The following ANK2 variants were observed in gnomAD, a reference collection of about 807,000 sequenced individuals.
ANK2 encodes ankyrin 2, also known as ankyrin-2.
A neutral mutation model predicts 360.5 loss-of-function variants in ANK2; 83 were observed. The ratio of observed to expected loss-of-function variants is 0.23; its 90% CI spans 0.19 to 0.28. The LOEUF is 0.28. Ranked by LOEUF, ANK2 falls within the 10% of genes least tolerant of loss-of-function variation. ANK2 has a pLI of 1.00. For missense variants in ANK2, 4,201 were observed against 4,795.7 expected (o/e 0.88, Z 3.66); for synonymous variants, 1,740 against 1,759.5 (o/e 0.99, Z 0.28).
At chr4:113,189,058 T>G (rs1397208764) in intron 2 of ANK2, among the ~76,000 whole-genome samples, 1 of 152,114 alleles carries the variant, frequency 6.6e-6, no homozygotes. Context: ...CCATTTCTCA[T>G]GAAAAAGAAG....
In ANK2 at chr4:113,369,522, C is replaced by G. The variant is rs1049357231; in HGVS notation, c.11327C>G (p.Thr3776Ser). 1 of 1,613,838 alleles carries G rather than the reference C, an allele frequency of 6.2e-7. No homozygotes were observed. Among genetic ancestry groups the G allele is most frequent in the Non-Finnish European group, 8.5e-7 (1 of 1,180,002 alleles). ...LEYQQEYFVT[T>S]PGTETSETQK... ...TGGCTTTTTGATTCCAGTGTGACAA[C>G]TCCAGGAACAGAAACATCAGAGACT... is the stretch of plus-strand genomic sequence containing the variant. Residue 3776 changes from threonine (T) to serine (S), a missense_variant, in exon 43 of 46, where the codon ACT (threonine) becomes AGT (serine). Thr to Ser is a moderately conservative substitution (Grantham distance 58). This residue lies in a region of ANK2 where 2,642 missense variants were observed against 2,714.5 expected (regional missense o/e 0.97). Coordinates refer to ENST00000357077, the MANE Select transcript of ANK2 (RefSeq NM_001148.6).
chr4:112,768,875 C>T, the ANK2 span, among the ~76,000 whole-genome samples: 12 of 152,142 alleles, frequency 7.9e-5, no homozygotes, highest in Non-Finnish European at 1.6e-4. Flanking sequence ...ACATGACCTG[C>T]CTTTGTTCAA....
chr4:113,306,414 A>G (rs1015039685), intron 23 of ANK2, among the ~76,000 whole-genome samples: 6 of 152,212 alleles, frequency 3.9e-5, no homozygotes, highest in African/African-American at 1.4e-4. Context: ...TGATGCATAA[A>G]AACATACCAG....
At position 113,258,243 on chromosome 4, in the gene ANK2, T is replaced by C. The variant is rs1438962454; in HGVS notation, c.1288-70T>C. The C allele has an allele frequency of 2.5e-6, 4 of 1,582,606 alleles. No individual in the cohort carries two copies. In the African/African-American group the frequency reaches 5.4e-5, roughly 21 times the overall value. On this transcript the variant is annotated intron_variant, in intron 12 of 45. Transcript: ENST00000357077. ...TCTTCTGTCCTCTTCACTCAAGTTT[T>C]ATTTATCTGAAGAAGCCCCAAAGCC...
intron 7 of ANK2, among the ~76,000 whole-genome samples, chr4:113,238,436 T>C (rs2099400736): frequency 1.3e-5 from 2 of 152,314 alleles, no homozygotes; most frequent in Non-Finnish European, 2.9e-5. Context: ...CTTTTGAGCA[T>C]TCTCACAGGG....
intron 2 of ANK2, among the ~76,000 whole-genome samples, chr4:113,040,629 T>A (rs1275867829): frequency 6.6e-6 from 1 of 152,104 alleles, no homozygotes; most frequent in Non-Finnish European, 1.5e-5. Context: ...AGTTGTTTAG[T>A]GGACTCATTT....
intron 1 of ANK2, among the ~76,000 whole-genome samples, chr4:112,865,540 G>A (rs916545452): frequency 2.0e-5 from 3 of 152,078 alleles, no homozygotes; most frequent in Non-Finnish European, 4.4e-5. Context: ...GTTTTATCCA[G>A]AAAAATAGAT....
intron 1 of ANK2, chr4:112,904,429 A>C: frequency 1.6e-6 from 2 of 1,257,144 alleles, no homozygotes; most frequent in Non-Finnish European, 2.2e-6. Context: ...CAAACTTCTA[A>C]TATTTTCTCT....
the ANK2 span, among the ~76,000 whole-genome samples, chr4:112,793,392 T>C: frequency 6.6e-6 from 1 of 152,138 alleles, no homozygotes; most frequent in Non-Finnish European, 1.5e-5. Context: ...GAATAATATT[T>C]ATATTTTTCA....
intron 1 of ANK2, among the ~76,000 whole-genome samples, chr4:112,886,013 C>G (rs1313213200): frequency 3.3e-5 from 5 of 152,050 alleles, no homozygotes; most frequent in African/African-American, 1.2e-4. Context: ...CTCAGTCTCA[C>G]TGGGCTGGCT....
intron 1 of ANK2, among the ~76,000 whole-genome samples, chr4:112,853,076 T>A (rs1040011846): frequency 6.7e-6 from 1 of 149,500 alleles, no homozygotes; most frequent in African/African-American, 2.4e-5. Context: ...TCTGGCTAAT[T>A]TTTTTTTTTT....
chr4:113,338,542 A>ATTTT (rs2093844758), intron 31 of ANK2, among the ~76,000 whole-genome samples: 1 of 121,860 alleles, frequency 8.2e-6, no homozygotes, highest in African/African-American at 4.0e-5. Context: ...TAGATTGTTC[A>ATTTT]CTTTTTTTTT....
chr4:112,895,601 CAGAT>C (rs1031744583), intron 1 of ANK2, among the ~76,000 whole-genome samples: 4 of 152,022 alleles, frequency 2.6e-5, no homozygotes, highest in African/African-American at 9.7e-5. Context: ...CTATTATGCT[CAGAT>C]AGCCCCAGAG....
At chr4:112,889,237 A>G (rs970075183) in intron 1 of ANK2, among the ~76,000 whole-genome samples, 1 of 151,946 alleles carries the variant, frequency 6.6e-6, no homozygotes, top group African/African-American at 2.4e-5. Context: ...CTCATTCAAA[A>G]AAAAAAAAAC....
the ANK2 span, chr4:112,788,356 T>G: frequency 6.4e-7 from 1 of 1,552,704 alleles, no homozygotes; most frequent in Non-Finnish European, 8.8e-7. Context: ...GGACCACCAT[T>G]TTACGACATA....
chr4:113,329,381 A>G (rs1448720446), intron 26 of ANK2, among the ~76,000 whole-genome samples: 1 of 152,214 alleles, frequency 6.6e-6, no homozygotes, highest in Non-Finnish European at 1.5e-5. Flanking sequence ...CTCCTTTTTC[A>G]TGAACAATTA....
At chr4:112,806,530 C>T in the ANK2 span, among the ~76,000 whole-genome samples, 1 of 152,030 alleles carries the variant, frequency 6.6e-6, no homozygotes, top group Non-Finnish European at 1.5e-5. Flanking sequence ...GCAGATATCT[C>T]TACAATATAC....
chr4:113,303,468 C>G (rs542742527), intron 23 of ANK2, among the ~76,000 whole-genome samples: 1 of 152,126 alleles, frequency 6.6e-6, no homozygotes, highest in African/African-American at 2.4e-5. Flanking sequence ...TCCTGGGAAG[C>G]CTGCTTTCCA....
At chr4:112,746,306 TTACATATGA>T in the ANK2 span, among the ~76,000 whole-genome samples, 1 of 152,054 alleles carries the variant, frequency 6.6e-6, no homozygotes, top group South Asian at 2.1e-4. Context: ...TTCTTAGTGC[TTACATATGA>T]TACAAACAAA....
Sources: allele counts gnomAD v4.1 joint callset (sites outside exome capture counted in the v4.1 genomes callset), GRCh38; gene constraint gnomAD v4.1.1; regional missense constraint gnomAD v4.1.1; transcripts MANE v1.5; gene names NCBI Gene and HGNC (gene_info 2026-07-23, HGNC 2026-07-21).